Variants in CACNA2D1 observed in about 807,000 individuals in gnomAD.
CACNA2D1 encodes the protein calcium voltage-gated channel auxiliary subunit alpha2delta 1, also known as voltage-dependent calcium channel subunit alpha-2/delta-1.
In CACNA2D1, 53 loss-of-function variants were observed where a neutral mutation model predicts 171.5. That is an observed-to-expected ratio of 0.31 (90% confidence interval 0.25 to 0.39). The LOEUF (loss-of-function observed/expected upper bound fraction) is 0.39. Among genes scored for constraint, CACNA2D1 ranks in the 10% least tolerant of loss-of-function variants. CACNA2D1 has a pLI of 1.00. For synonymous variants in CACNA2D1, 442 were observed against 443.1 expected, an observed-to-expected ratio of 1.00 and a Z score of 0.03; for missense variants, 903 against 1,299.8, an observed-to-expected ratio of 0.69 and a Z score of 4.69.
intron 1 of CACNA2D1, among the ~76,000 whole-genome samples, chr7:82,420,019 C>G (rs934740216): frequency 6.6e-6 from 1 of 152,110 alleles, no homozygotes; most frequent in Non-Finnish European, 1.5e-5. Flanking sequence ...CAGCGCCCCC[C>G]GCCCTTCCAC....
chr7:82,323,775 AT>A (rs1380072700), intron 3 of CACNA2D1, among the ~76,000 whole-genome samples: 1 of 152,162 alleles, frequency 6.6e-6, no homozygotes, highest in Non-Finnish European at 1.5e-5. Context: ...TAAATTTTAC[AT>A]TAGATAGTGC....
chr7:82,369,666 G>C (rs1822149539), intron 1 of CACNA2D1, among the ~76,000 whole-genome samples: 1 of 151,930 alleles, frequency 6.6e-6, no homozygotes, highest in Non-Finnish European at 1.5e-5. Flanking sequence ...AAATCAGACA[G>C]ACATTTTCAA....
At chr7:82,097,696 T>C (rs756951599) in intron 6 of CACNA2D1, among the ~76,000 whole-genome samples, 1 of 152,174 alleles carries the variant, frequency 6.6e-6, no homozygotes, top group Non-Finnish European at 1.5e-5. Context: ...ATCTGCATCT[T>C]AGCCATGAAG....
intron 3 of CACNA2D1, among the ~76,000 whole-genome samples, chr7:82,206,472 T>C (rs190070510): frequency 9.1e-4 from 139 of 152,252 alleles, no homozygotes; most frequent in Middle Eastern, 3.4e-3. Flanking sequence ...ATGGTAGCAA[T>C]ACTACCACTG....
chr7:81,960,143 C>T (rs1408887009), intron 36 of CACNA2D1, among the ~76,000 whole-genome samples: 1 of 152,036 alleles, frequency 6.6e-6, no homozygotes, highest in Non-Finnish European at 1.5e-5. Flanking sequence ...TTTCTTTACA[C>T]ATACAAAGAA....
chr7:82,086,058 A>C (rs541931411), intron 6 of CACNA2D1, among the ~76,000 whole-genome samples: 2 of 152,286 alleles, frequency 1.3e-5, no homozygotes, highest in South Asian at 4.1e-4. Flanking sequence ...GCCACTTTGC[A>C]TTTGACAATC....
chr7:82,232,437 G>C (rs983453326), intron 3 of CACNA2D1, among the ~76,000 whole-genome samples: 3 of 152,104 alleles, frequency 2.0e-5, no homozygotes, highest in African/African-American at 7.2e-5. Flanking sequence ...TAGAGAAAAA[G>C]AGTAAAAAGC....
chr7:82,337,181 T>A (rs949683914), intron 2 of CACNA2D1, among the ~76,000 whole-genome samples: 1 of 152,254 alleles, frequency 6.6e-6, no homozygotes, highest in African/African-American at 2.4e-5. Flanking sequence ...CACAAATAAA[T>A]GTGAAATAAA....
intron 3 of CACNA2D1, among the ~76,000 whole-genome samples, chr7:82,238,000 A>T (rs760206085): frequency 3.0e-4 from 46 of 151,934 alleles, no homozygotes; most frequent in Non-Finnish European, 5.9e-4. Flanking sequence ...TCCACACACT[A>T]TCTCATATAT....
At chr7:82,378,564 C>A (rs949650287) in intron 1 of CACNA2D1, among the ~76,000 whole-genome samples, 2 of 152,078 alleles carry the variant, frequency 1.3e-5, no homozygotes, top group Admixed American at 6.6e-5. Flanking sequence ...ACCATACTGT[C>A]TCCCTATAAT....
intron 10 of CACNA2D1, among the ~76,000 whole-genome samples, chr7:82,039,944 A>G (rs923697135): frequency 1.3e-5 from 2 of 152,194 alleles, no homozygotes; most frequent in African/African-American, 4.8e-5. Context: ...AGATGATTTT[A>G]TTTTCTGTGA....
intron 4 of CACNA2D1, among the ~76,000 whole-genome samples, chr7:82,168,594 T>C (rs763951003): frequency 2.6e-5 from 4 of 152,060 alleles, no homozygotes; most frequent in Non-Finnish European, 4.4e-5. Context: ...TACCTCAATA[T>C]AGAAAACAAA....
intron 4 of CACNA2D1, among the ~76,000 whole-genome samples, chr7:82,166,560 T>G (rs1367783463): frequency 6.6e-6 from 1 of 152,074 alleles, no homozygotes; most frequent in African/African-American, 2.4e-5. Context: ...AAATGAGATT[T>G]GAAATGCAAT....
chr7:82,064,258 C>T (rs565828134), intron 9 of CACNA2D1, 46 bp downstream of exon 9: 4 of 1,288,892 alleles, frequency 3.1e-6, no homozygotes, highest in Admixed American at 1.7e-5. Flanking sequence ...ATCTACAAAT[C>T]CTCCCATATT....
intron 3 of CACNA2D1, among the ~76,000 whole-genome samples, chr7:82,259,354 A>T (rs1010226979): frequency 1.3e-5 from 2 of 152,160 alleles, no homozygotes; most frequent in African/African-American, 4.8e-5. Context: ...AAAATGTAAA[A>T]TTTAGTTTTT....
intron 36 of CACNA2D1, among the ~76,000 whole-genome samples, chr7:81,961,489 AAAT>A (rs1464792063): frequency 2.0e-5 from 3 of 151,708 alleles, no homozygotes; most frequent in Non-Finnish European, 1.5e-5. Flanking sequence ...ATAGAAAAAT[AAAT>A]AATATTTGGC....
chr7:82,402,178 G>T (rs1826503276), intron 1 of CACNA2D1, among the ~76,000 whole-genome samples: 1 of 152,110 alleles, frequency 6.6e-6, no homozygotes, highest in African/African-American at 2.4e-5. Context: ...CAAGGAGGCT[G>T]GGAAAGAATA....
chr7:82,157,821 C>G (rs1262256192), intron 4 of CACNA2D1, among the ~76,000 whole-genome samples: 2 of 151,894 alleles, frequency 1.3e-5, no homozygotes, highest in African/African-American at 4.8e-5. Flanking sequence ...ATGCTCAGAA[C>G]ATAAATACCT....
chr7:82,131,417 G>T (rs904624813), intron 5 of CACNA2D1, among the ~76,000 whole-genome samples: 7 of 152,090 alleles, frequency 4.6e-5, no homozygotes, highest in Admixed American at 3.9e-4. Context: ...CACTTCCTTT[G>T]TCTGTCTATA....
Sources: gnomAD v4.1 joint callset for allele counts (sites outside exome capture counted in the v4.1 genomes callset) on GRCh38, gnomAD v4.1.1 for gene constraint, MANE v1.5 for transcripts, NCBI Gene and HGNC (gene_info 2026-07-23, HGNC 2026-07-21) for gene names.